The following KRIT1 variants were observed in gnomAD, a reference collection of about 807,000 sequenced individuals.
KRIT1 encodes the protein krev interaction trapped protein 1.
Under a neutral mutation model 95.8 loss-of-function variants are expected in KRIT1, and 45 were observed. The observed-to-expected ratio is 0.47, with a 90% CI of 0.37 to 0.60. The LOEUF (loss-of-function observed/expected upper bound fraction) is 0.60, where lower values mean the gene tolerates loss of function less well. KRIT1 is among the 20% of genes least tolerant of loss of function. The probability of loss-of-function intolerance (pLI) is 0.00; values close to 1 mark genes in which losing one functional copy is unlikely to be tolerated. For synonymous variants in KRIT1, 282 were observed against 278.8 expected (o/e 1.01, Z -0.11); for missense variants, 788 against 877.5 (o/e 0.90, Z 1.29).
chr7:92,222,251 A>T (rs1795283577), intron 13 of KRIT1, among the ~76,000 whole-genome samples, 198 bp from the exon 14 acceptor site: 1 of 152,154 alleles, frequency 6.6e-6, no homozygotes, highest in Admixed American at 6.5e-5. Flanking sequence ...AGAATTATTA[A>T]AAATAATTCT....
chr7:92,241,262 T>C (rs1799576363), intron 4 of KRIT1, 110 bp from the exon 5 acceptor site: 3 of 848,510 alleles, frequency 3.5e-6, no homozygotes, highest in Non-Finnish European at 5.7e-6. Context: ...TAGAATAATT[T>C]GGGAAGCTTT....
At position 92,235,452 on chromosome 7, in the gene KRIT1, G is replaced by A. The variant is rs113064674; in HGVS notation, c.680C>T (p.Thr227Ile). 5.0e-6 allele frequency: 8 copies of A among 1,613,444 alleles called. No homozygotes were observed. The highest frequency in any genetic ancestry group is 1.3e-5 in the African/African-American group (1 of 75,038). ...TCCAAACAAAGGGTTGTAAATACAG[G>A]TATCTGCTTTCTCTAGGGCTAACAT... ...SKMLALEKAD[T>I]CIYNPLFGSD... Residue 227 changes from threonine to isoleucine, a missense_variant, in exon 8 of 19, where the codon ACC (threonine) becomes ATC (isoleucine). By Grantham distance (89) the Thr-to-Ile change is moderately conservative. This residue lies in a region of KRIT1 where 289 missense variants were observed against 277.5 expected (regional missense o/e 1.04). Transcript: ENST00000394505.
chr7:92,204,683 C>T (rs529564630), intron 17 of KRIT1, among the ~76,000 whole-genome samples: 2 of 152,110 alleles, frequency 1.3e-5, no homozygotes, highest in East Asian at 3.9e-4. Flanking sequence ...GAATCTAATG[C>T]CACCGTTGAT....
chr7:92,234,225 C>T (rs2131638706), intron 10 of KRIT1, among the ~76,000 whole-genome samples: 1 of 152,166 alleles, frequency 6.6e-6, no homozygotes, highest in East Asian at 1.9e-4. Flanking sequence ...TACTATATGA[C>T]CTGGCAATGC....
intron 10 of KRIT1, among the ~76,000 whole-genome samples, chr7:92,230,743 T>C (rs1429431692): frequency 6.6e-6 from 1 of 152,152 alleles, no homozygotes; most frequent in South Asian, 2.1e-4. Context: ...GTATACCCTA[T>C]GATACAGGAG....
intron 7 of KRIT1, chr7:92,236,050 A>C (rs1157843152): frequency 4.0e-6 from 1 of 249,626 alleles, no homozygotes; most frequent in African/African-American, 2.3e-5. Flanking sequence ...CAAACTACTG[A>C]GATGTAGGTG....
intron 1 of KRIT1, 189 bp downstream of exon 1, chr7:92,245,601 G>GA (rs1415785926): frequency 1.3e-5 from 2 of 151,860 alleles, no homozygotes; most frequent in Non-Finnish European, 2.9e-5. Context: ...GTCACCTGGC[G>GA]AGGGGGGGCA....
intron 7 of KRIT1, 98 bp from the exon 8 acceptor site, chr7:92,235,744 T>C: frequency 9.3e-7 from 1 of 1,078,254 alleles, no homozygotes; most frequent in South Asian, 1.4e-5. Flanking sequence ...TTGTGAATAT[T>C]ACCTTCAGAT....
At chr7:92,232,351 A>G (rs1026946716) in intron 10 of KRIT1, among the ~76,000 whole-genome samples, 1 of 152,158 alleles carries the variant, frequency 6.6e-6, no homozygotes, top group Non-Finnish European at 1.5e-5. Flanking sequence ...CGTATAGATA[A>G]AGAAACAGAC....
chr7:92,217,173 T>C (rs912417502), intron 14 of KRIT1, among the ~76,000 whole-genome samples: 57 of 152,220 alleles, frequency 3.7e-4, no homozygotes, highest in African/African-American at 1.3e-3. Context: ...TCTCTACCAG[T>C]GAACTATTAC....
At chr7:92,207,805 G>A (rs1197085117) in intron 17 of KRIT1, among the ~76,000 whole-genome samples, 1 of 152,166 alleles carries the variant, frequency 6.6e-6, no homozygotes, top group African/African-American at 2.4e-5. Flanking sequence ...TTTACAGTGA[G>A]CTGAAATTGC....
At chr7:92,230,924 G>T (rs1237943473) in intron 10 of KRIT1, among the ~76,000 whole-genome samples, 1 of 152,100 alleles carries the variant, frequency 6.6e-6, no homozygotes, top group Admixed American at 6.6e-5. Context: ...AGCTTGGAAG[G>T]GGAGGACTAA....
At chr7:92,237,516 TTAAG>T (rs1346007154) in intron 6 of KRIT1, 147 bp downstream of exon 6, 13 of 406,830 alleles carry the variant, frequency 3.2e-5, no homozygotes, top group South Asian at 6.8e-5. Flanking sequence ...CAAAACATCT[TTAAG>T]TAACATATTT....
intron 2 of KRIT1, among the ~76,000 whole-genome samples, chr7:92,244,428 T>C (rs1800398133): frequency 6.6e-6 from 1 of 152,242 alleles, no homozygotes; most frequent in African/African-American, 2.4e-5. Context: ...CAAATGTGAT[T>C]TTAAAAAGAC....
Position 92,237,773 on chromosome 7 carries a change from A to T in KRIT1, c.263-14T>A. 1 of 1,326,900 alleles carries T rather than the reference A, an allele frequency of 7.5e-7. No homozygotes were observed. Among genetic ancestry groups the T allele is most frequent in the Non-Finnish European group, 1.1e-6 (1 of 918,882 alleles). 82.2% of individuals were successfully genotyped at this position (1,326,900 alleles called of 1,614,324 possible). A position where few individuals can be genotyped will look rare whatever the true frequency, so the allele number is the denominator to read the frequency against. ...CAACTCGTTTTCCTAATCATTTTTA[A>T]AAAGTTAGCAAAACAAAAATAATAC... On this transcript the variant is annotated splice_polypyrimidine_tract_variant and intron_variant, in intron 5 of 18. Coordinates refer to ENST00000394505, the MANE Select transcript of KRIT1 (RefSeq NM_194454.3).
chr7:92,220,657 G>GTTATAA (rs999226225), intron 14 of KRIT1, among the ~76,000 whole-genome samples: 2 of 131,432 alleles, frequency 1.5e-5, no homozygotes. Flanking sequence ...AATTTAAGCT[G>GTTATAA]TTATAATCTC....
At position 92,245,775 on chromosome 7, in the gene KRIT1, G is replaced by A. The variant is rs1800858356; in HGVS notation, c.-421+15C>T. ...AAAAGCTCAGGTCTCTGGAGTCGGA[G>A]ACCCTCCTGCCCACCTGCTCTTTAC... On this transcript the variant is annotated intron_variant, in intron 1 of 18. Coordinates refer to ENST00000394505, the MANE Select transcript of KRIT1 (RefSeq NM_194454.3). 6.5e-6 allele frequency: 1 copy of A among 153,368 alleles called. No individual in the cohort carries two copies. The highest frequency in any genetic ancestry group is 2.0e-4 in the South Asian group (1 of 5,126). The allele number at this position is 153,368 out of a possible 1,614,324, so 9.5% of individuals were successfully genotyped here. A position where few individuals can be genotyped will look rare whatever the true frequency, so the allele number is the denominator to read the frequency against.
At chr7:92,222,354 A>T (rs1795300763) in intron 13 of KRIT1, among the ~76,000 whole-genome samples, 1 of 152,204 alleles carries the variant, frequency 6.6e-6, no homozygotes, top group Non-Finnish European at 1.5e-5. Context: ...AAAAAGATAC[A>T]ACTAAGCCAT....
chr7:92,234,302 AATC>A (rs1797943857), intron 10 of KRIT1, 144 bp downstream of exon 10: 1 of 682,800 alleles, frequency 1.5e-6, no homozygotes, highest in South Asian at 1.9e-5. Flanking sequence ...GCACATATAC[AATC>A]ATCTAAGATC....
Sources: allele counts gnomAD v4.1 joint callset (sites outside exome capture counted in the v4.1 genomes callset), GRCh38; gene constraint gnomAD v4.1.1; regional missense constraint gnomAD v4.1.1; transcripts MANE v1.5; gene names NCBI Gene and HGNC (gene_info 2026-07-23, HGNC 2026-07-21).